The following ANKRD55 variants were observed in gnomAD, a reference collection of about 807,000 sequenced individuals.
ANKRD55 encodes ankyrin repeat domain 55.
ANKRD55 carries 41 observed loss-of-function variants against 60.6 expected under a neutral mutation model. That is an observed-to-expected ratio of 0.68 (90% confidence interval 0.53 to 0.88). The LOEUF (loss-of-function observed/expected upper bound fraction) is 0.88. Among genes scored for constraint, ANKRD55 ranks in the 40% least tolerant of loss-of-function variants. The pLI is 0.00. For missense variants in ANKRD55, 732 were observed against 767.6 expected (o/e 0.95, Z 0.55); for synonymous variants, 264 against 290.3 (o/e 0.91, Z 0.92).
intron 9 of ANKRD55, among the ~76,000 whole-genome samples, chr5:56,113,957 C>G (rs1756811901): frequency 6.9e-6 from 1 of 145,866 alleles, no homozygotes; most frequent in South Asian, 2.2e-4. Context: ...ACCCATCTGA[C>G]TAGGTATATT....
At chr5:56,206,278 CAAT>C (rs1759507658) in intron 2 of ANKRD55, among the ~76,000 whole-genome samples, 2 of 152,090 alleles carry the variant, frequency 1.3e-5, no homozygotes. Flanking sequence ...CTTCTGGCCT[CAAT>C]GATGCATTTC....
chr5:56,110,795 T>G (rs1341889682), intron 10 of ANKRD55, among the ~76,000 whole-genome samples: 2 of 152,230 alleles, frequency 1.3e-5, no homozygotes, highest in Non-Finnish European at 2.9e-5. Flanking sequence ...CACAGGTATT[T>G]GCCACACACT....
At chr5:56,192,815 C>G (rs903607251) in intron 2 of ANKRD55, 1 of 812,942 alleles carries the variant, frequency 1.2e-6, no homozygotes, top group Non-Finnish European at 2.0e-6. Flanking sequence ...AGTTAAAATT[C>G]TTTGCTGGGT....
chr5:56,212,536 A>T (rs1759700796), intron 2 of ANKRD55, among the ~76,000 whole-genome samples: 2 of 152,364 alleles, frequency 1.3e-5, no homozygotes, highest in South Asian at 4.1e-4. Flanking sequence ...TAACTTTTAC[A>T]GACGAATTTT....
intron 7 of ANKRD55, among the ~76,000 whole-genome samples, chr5:56,131,538 G>A (rs1757411127): frequency 6.6e-6 from 1 of 152,098 alleles, no homozygotes; most frequent in Non-Finnish European, 1.5e-5. Context: ...GCTCATGCCT[G>A]TAATCCCAGC....
chr5:56,219,273 CAAAAAAAAA>C (rs35909700), intron 2 of ANKRD55, among the ~76,000 whole-genome samples: 2 of 97,040 alleles, frequency 2.1e-5, no homozygotes, highest in Non-Finnish European at 4.3e-5. Flanking sequence ...ACTCTGCCTC[CAAAAAAAAA>C]AAAAAAAAAA....
chr5:56,193,953 T>C (rs549350374), intron 2 of ANKRD55, among the ~76,000 whole-genome samples: 1 of 152,298 alleles, frequency 6.6e-6, no homozygotes, highest in Admixed American at 6.5e-5. Flanking sequence ...TTATTGTCAC[T>C]GAGAAACTAA....
At chr5:56,231,857 G>A (rs1760267549) in intron 2 of ANKRD55, among the ~76,000 whole-genome samples, 1 of 152,116 alleles carries the variant, frequency 6.6e-6, no homozygotes. Context: ...AGCTTGAGGG[G>A]TAATAAACAT....
At chr5:56,222,237 T>C (rs1759984274) in intron 2 of ANKRD55, among the ~76,000 whole-genome samples, 2 of 152,080 alleles carry the variant, frequency 1.3e-5, no homozygotes, top group South Asian at 2.1e-4. Flanking sequence ...GCAAACAGAG[T>C]CTGGAGTGGA....
rs62363945 is a variant in ANKRD55 at position 56,122,551 on chromosome 5, C to G, written c.797+4371G>C. Among the ~76,000 whole-genome samples, 477 of 151,390 alleles carry G rather than the reference C, an allele frequency of 3.2e-3. 5 individuals are homozygous for G. Among genetic ancestry groups the G allele is most frequent in the African/African-American group, 0.01 (426 of 41,326 alleles). On this transcript the variant is annotated intron_variant, in intron 8 of 11. Transcript: ENST00000341048. ...GCGCACACCTGTAGTCCCAGCTACT[C>G]GGGAGGCTGAGACAGGAGAATCGCT...
chr5:56,173,280 C>A (rs1758648859), intron 4 of ANKRD55, among the ~76,000 whole-genome samples: 1 of 152,144 alleles, frequency 6.6e-6, no homozygotes. Flanking sequence ...TCACTGCAGC[C>A]TCCACCTCCT....
intron 2 of ANKRD55, 109 bp downstream of exon 2, chr5:56,232,747 C>A: frequency 3.4e-6 from 2 of 585,048 alleles, no homozygotes; most frequent in Non-Finnish European, 2.9e-6. Context: ...CGCACATGAA[C>A]ACACACACAC....
In ANKRD55 at chr5:56,136,583, C is replaced by G. The variant is rs563137631; in HGVS notation, c.612+7218G>C. On this transcript the variant is annotated intron_variant, in intron 7 of 11. Coordinates refer to ENST00000341048, the MANE Select transcript of ANKRD55 (RefSeq NM_024669.3). ...GTAAACCTAGACACAGACCTTATAC[C>G]TTTCACAAAATTGACTCAAAACTGA... 3.3e-5 allele frequency among the ~76,000 whole-genome samples: 5 copies of G among 152,208 alleles called. No homozygotes were observed. In the South Asian group the frequency reaches 1.0e-3, roughly 32 times the overall value.
intron 2 of ANKRD55, among the ~76,000 whole-genome samples, chr5:56,199,666 G>A (rs963606567): frequency 4.0e-5 from 6 of 151,848 alleles, no homozygotes; most frequent in Admixed American, 1.3e-4. Context: ...CGAGGTGGGC[G>A]GATCACAAGG....
rs182943630 is a variant in ANKRD55, at chr5:56,122,245, T to C, written c.797+4677A>G. 6.6e-5 allele frequency among the ~76,000 whole-genome samples: 10 copies of C among 152,174 alleles called. No homozygotes were observed. The East Asian group carries it at 1.7e-3, about 26-fold the overall frequency. ...GGCAGTTGCCAGCAGGAGATCAGAG[T>C]TTGAGAGCTTGGAGGTGGCCTAAAG... is the stretch of plus-strand genomic sequence containing the variant. On this transcript the variant is annotated intron_variant, in intron 8 of 11. Transcript: ENST00000341048.
Position 56,183,511 on chromosome 5 carries a change from C to A in ANKRD55, c.181+1G>T. ...GGATTCAAAATGCATACATATCTCA[C>A]CTTCACTGTCACAGCATTCTAGGAT... On this transcript the variant is annotated splice_donor_variant, in intron 3 of 11. Transcript: ENST00000341048. LOFTEE classifies it high-confidence loss of function. 5 of 1,613,964 alleles carry A rather than the reference C, an allele frequency of 3.1e-6. No homozygotes were observed. The highest frequency in any genetic ancestry group is 4.2e-6 in the Non-Finnish European group (5 of 1,179,958).
At chr5:56,166,084 CTTTTTCTTTCTTTCTTTCTTTCTTTCTT>C (rs1758441979) in intron 5 of ANKRD55, among the ~76,000 whole-genome samples, 3 of 76,876 alleles carry the variant, frequency 3.9e-5, no homozygotes, top group African/African-American at 1.7e-4. Context: ...TCTTTCTTTT[CTTTTTCTTTCTTTCTTTCTTTCTTTCTT>C]TCTTTCTTTC....
chr5:56,108,496 T>C (rs571210048), intron 10 of ANKRD55, among the ~76,000 whole-genome samples: 16 of 152,232 alleles, frequency 1.1e-4, no homozygotes, highest in Admixed American at 9.8e-4. Flanking sequence ...TTCAGTGCTT[T>C]GTGGAGGAAG....
chr5:56,157,254 C>T (rs1322682866), intron 6 of ANKRD55, among the ~76,000 whole-genome samples: 1 of 152,204 alleles, frequency 6.6e-6, no homozygotes, highest in Non-Finnish European at 1.5e-5. Context: ...GTCATCACCA[C>T]TCCCTAATCT....
Sources: gnomAD v4.1 joint callset for allele counts (sites outside exome capture counted in the v4.1 genomes callset) on GRCh38, gnomAD v4.1.1 for gene constraint, MANE v1.5 for transcripts, NCBI Gene and HGNC (gene_info 2026-07-23, HGNC 2026-07-21) for gene names.